The following AP3B1 variants were observed in gnomAD, a reference collection of about 807,000 sequenced individuals.
AP3B1 encodes AP-3 complex subunit beta-1.
A neutral mutation model predicts 132.5 loss-of-function variants in AP3B1; 61 were observed. The observed-to-expected ratio is 0.46, with a 90% CI of 0.37 to 0.57. The LOEUF is 0.57. Among genes scored for constraint, AP3B1 ranks in the 20% least tolerant of loss-of-function variants. The pLI, the probability that AP3B1 is intolerant of heterozygous loss-of-function variation, is 0.00. For missense variants in AP3B1, 1,120 were observed against 1,289.4 expected (o/e 0.87, Z 2.01); for synonymous variants, 388 against 438.3 (o/e 0.89, Z 1.43).
intron 21 of AP3B1, 71 bp from the exon 22 acceptor site, chr5:78,089,570 ATT>A: frequency 1.0e-6 from 1 of 977,968 alleles, no homozygotes; most frequent in Non-Finnish European, 1.6e-6. Flanking sequence ...CAACATTTTT[ATT>A]TTGTTAGTAA....
chr5:78,027,650 A>G (rs1471918607), intron 24 of AP3B1, among the ~76,000 whole-genome samples: 1 of 152,162 alleles, frequency 6.6e-6, no homozygotes, highest in Admixed American at 6.5e-5. Context: ...CTCCCATTTA[A>G]AAACACAGTA....
In AP3B1 at chr5:78,246,021, C is replaced by G. The variant is rs546004189; in HGVS notation, c.205-5085G>C. ...AAAAGTTGAGGAGATAACATAAGGT[C>G]ATTTGTAGCTCTAAACTCTCCTAGG... On this transcript the variant is annotated intron_variant, in intron 2 of 26. Transcript: ENST00000255194. 9.9e-5 allele frequency among the ~76,000 whole-genome samples: 15 copies of G among 152,238 alleles called. No individual in the cohort carries two copies. In the South Asian group the frequency reaches 3.1e-3, roughly 32 times the overall value.
intron 3 of AP3B1, among the ~76,000 whole-genome samples, chr5:78,239,922 T>C (rs1272362421): frequency 6.6e-6 from 1 of 152,238 alleles, no homozygotes. Flanking sequence ...TTGGTTTTGC[T>C]GGCAAGAATA....
At chr5:78,220,820 C>T (rs745867346) in intron 6 of AP3B1, among the ~76,000 whole-genome samples, 75 of 152,056 alleles carry the variant, frequency 4.9e-4, no homozygotes, top group Admixed American at 3.9e-4. Context: ...AAGACCAAAG[C>T]GAGATCACTT....
At chr5:78,101,253 TATAA>T (rs1751110750) in intron 20 of AP3B1, 2 of 480,624 alleles carry the variant, frequency 4.2e-6, no homozygotes, top group Non-Finnish European at 7.5e-6. Context: ...GTTTAAAAAT[TATAA>T]ATGTCAGAAC....
At position 78,129,301 on chromosome 5, in the gene AP3B1, AT is replaced by A; in HGVS notation, c.1656del (p.Lys552AsnfsTer8). ...AGATTTAATATGTACTGGGTAAGCA[AT>A]TTTGTCTGTTGGAAAAAAACAGATC... ...KLYLTNSKQT[K>X]LLTQYILNLG... is the part of the protein sequence containing the mutation. On this transcript the variant is annotated frameshift_variant, in exon 16 of 27. Coordinates refer to ENST00000255194, the MANE Select transcript of AP3B1 (RefSeq NM_003664.5). LOFTEE classifies it high-confidence loss of function. The A allele has an allele frequency of 6.2e-7, 1 of 1,611,158 alleles. No homozygotes were observed. The highest frequency in any genetic ancestry group is 8.5e-7 in the Non-Finnish European group (1 of 1,177,530).
At chr5:78,195,000 G>T (rs1160625360) in intron 7 of AP3B1, among the ~76,000 whole-genome samples, 1 of 148,032 alleles carries the variant, frequency 6.8e-6, no homozygotes, top group Non-Finnish European at 1.5e-5. Flanking sequence ...TGTATGAAAT[G>T]AAATACTACC....
At chr5:78,288,583 G>T (rs546383935) in intron 1 of AP3B1, among the ~76,000 whole-genome samples, 7 of 152,294 alleles carry the variant, frequency 4.6e-5, no homozygotes, top group African/African-American at 1.7e-4. Flanking sequence ...CCAGATGAGG[G>T]TTTCCTTCTG....
intron 26 of AP3B1, among the ~76,000 whole-genome samples, chr5:78,013,273 G>C (rs953418155): frequency 2.6e-5 from 4 of 151,020 alleles, no homozygotes; most frequent in African/African-American, 7.3e-5. Flanking sequence ...TTGAACTCCT[G>C]GGCTCAAGAG....
At chr5:78,144,153 T>C (rs368664944) in intron 14 of AP3B1, among the ~76,000 whole-genome samples, 3 of 152,066 alleles carry the variant, frequency 2.0e-5, no homozygotes, top group Admixed American at 6.6e-5. Flanking sequence ...GTCATACATA[T>C]GATATAATAC....
chr5:78,187,146 C>T (rs1744637587), intron 7 of AP3B1, among the ~76,000 whole-genome samples: 1 of 152,150 alleles, frequency 6.6e-6, no homozygotes, highest in Admixed American at 6.5e-5. Context: ...GTGAGATATA[C>T]TTTTATATCA....
intron 1 of AP3B1, among the ~76,000 whole-genome samples, chr5:78,285,082 C>T (rs926048042): frequency 2.6e-5 from 4 of 152,040 alleles, no homozygotes; most frequent in African/African-American, 9.7e-5. Context: ...CCCGTCTCTA[C>T]TAAAAATACA....
At chr5:78,052,142 T>C (rs753658511) in intron 22 of AP3B1, among the ~76,000 whole-genome samples, 1 of 152,220 alleles carries the variant, frequency 6.6e-6, no homozygotes, top group Non-Finnish European at 1.5e-5. Flanking sequence ...AGATAACTTC[T>C]TCCTTATGTA....
chr5:78,122,287 A>G (rs1180848550), intron 17 of AP3B1, among the ~76,000 whole-genome samples: 1 of 152,240 alleles, frequency 6.6e-6, no homozygotes, highest in Non-Finnish European at 1.5e-5. Flanking sequence ...AAACTGGCAC[A>G]AGACAGGGAT....
chr5:78,036,630 G>T (rs1747820174), intron 23 of AP3B1, among the ~76,000 whole-genome samples: 1 of 151,962 alleles, frequency 6.6e-6, no homozygotes, highest in Non-Finnish European at 1.5e-5. Flanking sequence ...GGGGAAAATG[G>T]AATATTATTC....
At chr5:78,260,575 C>T (rs1488922744) in intron 2 of AP3B1, among the ~76,000 whole-genome samples, 2 of 151,168 alleles carry the variant, frequency 1.3e-5, no homozygotes, top group East Asian at 3.9e-4. Context: ...GCCTGGGCCA[C>T]GGAGCGAGAC....
chr5:78,192,801 T>A (rs1326892853), intron 7 of AP3B1, among the ~76,000 whole-genome samples: 1 of 152,150 alleles, frequency 6.6e-6, no homozygotes, highest in Non-Finnish European at 1.5e-5. Context: ...TGGCCTTTTT[T>A]CCATCATGTG....
chr5:78,072,656 A>G (rs1749587856), intron 22 of AP3B1, among the ~76,000 whole-genome samples: 1 of 151,322 alleles, frequency 6.6e-6, no homozygotes, highest in Non-Finnish European at 1.5e-5. Flanking sequence ...GGCTTATAAA[A>G]GCTGTATATA....
chr5:78,253,957 C>CA (rs35713067), intron 2 of AP3B1, among the ~76,000 whole-genome samples: 2,260 of 93,740 alleles, frequency 0.024, 73 homozygotes, highest in African/African-American at 0.093. Context: ...GACTCCACCT[C>CA]AAAAAAAAAA....
Sources: gnomAD v4.1 joint callset for allele counts (sites outside exome capture counted in the v4.1 genomes callset) on GRCh38, gnomAD v4.1.1 for gene constraint, MANE v1.5 for transcripts, NCBI Gene and HGNC (gene_info 2026-07-23, HGNC 2026-07-21) for gene names.